The following NLRP4 variants were observed in gnomAD, a reference collection of about 807,000 sequenced individuals.
NLRP4 encodes the protein NLR family pyrin domain containing 4.
In NLRP4, 44 loss-of-function variants were observed where a neutral mutation model predicts 84.7. That is an observed-to-expected ratio of 0.52 (90% CI 0.41 to 0.67). The LOEUF (loss-of-function observed/expected upper bound fraction) is 0.67, where lower values mean the gene tolerates loss of function less well. Ranked by LOEUF, NLRP4 falls within the 30% of genes least tolerant of loss-of-function variation. NLRP4 has a pLI of 0.00. For missense variants in NLRP4, 1,260 were observed against 1,219.4 expected (o/e 1.03, Z -0.50); for synonymous variants, 544 against 476.4 (o/e 1.14, Z -1.85).
At chr19:55,850,108 A>AATTT (rs1984006802) in intron 1 of NLRP4, among the ~76,000 whole-genome samples, 1 of 21,732 alleles carries the variant, frequency 4.6e-5, no homozygotes, top group Non-Finnish European at 8.2e-5. Flanking sequence ...CGGTGTAATT[A>AATTT]CCGTAGCTGC....
intron 5 of NLRP4, among the ~76,000 whole-genome samples, chr19:55,867,207 G>C (rs1208893912): frequency 1.3e-5 from 2 of 149,912 alleles, no homozygotes; most frequent in African/African-American, 4.9e-5. Context: ...TATCAGGTTG[G>C]CTGTCTCTGT....
At position 55,858,713 on chromosome 19, in the gene NLRP4, G is replaced by A; in HGVS notation, c.1320G>A (p.Lys440=). Residue 440 remains lysine (K), a synonymous_variant, in exon 3 of 10, where the codon AAG becomes AAA. Transcript: ENST00000301295. The surrounding 1 kb of genome is among the most constrained non-coding windows in gnomAD (Gnocchi z 4.2). ...TGCTGGGCACCAAGATACTTCTGAA[G>A]TACGGGGAGCGTGAGAGCTCCTACG... ...PALLGTKILL[K]YGERESSYVF... The A allele has an allele frequency of 6.2e-7, 1 of 1,614,184 alleles. No individual in the cohort carries two copies. Among genetic ancestry groups the A allele is most frequent in the Middle Eastern group, 1.6e-4 (1 of 6,062 alleles).
intron 1 of NLRP4, among the ~76,000 whole-genome samples, chr19:55,839,028 G>A (rs384914): frequency 0.15 from 23,059 of 150,894 alleles, 1,964 homozygotes; most frequent in East Asian, 0.22. Context: ...TTACATAGGT[G>A]TACACGTGGC....
chr19:55,859,823 A>G (rs1352198141), intron 3 of NLRP4, among the ~76,000 whole-genome samples: 3 of 140,212 alleles, frequency 2.1e-5, no homozygotes, highest in East Asian at 5.0e-4. Context: ...GCTACTTGGG[A>G]GGCTGAGGCC....
At chr19:55,874,176 T>G (rs968311196) in intron 7 of NLRP4, among the ~76,000 whole-genome samples, 3 of 152,196 alleles carry the variant, frequency 2.0e-5, no homozygotes, top group Non-Finnish European at 4.4e-5. Context: ...ATATTAAAAG[T>G]GATGTAATAT....
intron 3 of NLRP4, among the ~76,000 whole-genome samples, chr19:55,860,715 G>A (rs1188441951): frequency 6.6e-6 from 1 of 152,178 alleles, no homozygotes; most frequent in Non-Finnish European, 1.5e-5. Context: ...GAGTTTTAGG[G>A]CTGAGCCTAG....
At position 55,857,686 on chromosome 19, in the gene NLRP4, C is replaced by T; in HGVS notation, c.293C>T (p.Thr98Ile). 1 of 1,612,894 alleles carries T rather than the reference C, an allele frequency of 6.2e-7. No individual in the cohort carries two copies. Among genetic ancestry groups the T allele is most frequent in the Non-Finnish European group, 8.5e-7 (1 of 1,179,834 alleles). Residue 98 changes from threonine (T) to isoleucine (I), a missense_variant, in exon 3 of 10, where the codon ACC becomes ATC. Thr to Ile is a moderately conservative substitution (Grantham distance 89). Around this residue, in one of 3 missense-constraint regions of NLRP4, gnomAD observed 712 missense variants for 669.2 expected, o/e 1.06. Coordinates refer to ENST00000301295, the MANE Select transcript of NLRP4 (RefSeq NM_134444.5). ...VMRERTGYTK[T>I]YQAHAKQKFS... ...CTCACTGACTCAGGATACACAAAGA[C>T]CTATCAAGCTCACGCAAAGCAGAAA...
chr19:55,856,924 A>C (rs1984457242), intron 2 of NLRP4, among the ~76,000 whole-genome samples: 1 of 152,192 alleles, frequency 6.6e-6, no homozygotes, highest in Admixed American at 6.5e-5. Flanking sequence ...TCTCTACTGC[A>C]TCTCCTCTCT....
intron 1 of NLRP4, among the ~76,000 whole-genome samples, chr19:55,839,320 T>TGTGTGTGTGTGTGTGC (rs1373920562): frequency 6.6e-6 from 1 of 152,050 alleles, no homozygotes; most frequent in African/African-American, 2.4e-5. Context: ...TGTGTGTGTG[T>TGTGTGTGTGTGTGTGC]GCTCTTTCAC....
intron 1 of NLRP4, among the ~76,000 whole-genome samples, chr19:55,848,837 C>A (rs6509964): frequency 0.17 from 25,228 of 151,958 alleles, 4,009 homozygotes; most frequent in African/African-American, 0.41. Context: ...GTGGGAGATA[C>A]TTGAATCATG....
intron 7 of NLRP4, among the ~76,000 whole-genome samples, chr19:55,876,589 C>T (rs1985380941): frequency 6.6e-6 from 1 of 152,056 alleles, no homozygotes; most frequent in Non-Finnish European, 1.5e-5. Flanking sequence ...TCTGGAACTT[C>T]TGACCTCAGG....
intron 1 of NLRP4, among the ~76,000 whole-genome samples, chr19:55,848,285 T>C (rs1368948941): frequency 6.6e-6 from 1 of 152,062 alleles, no homozygotes; most frequent in Non-Finnish European, 1.5e-5. Flanking sequence ...TGCTACCACT[T>C]GCTACCCATG....
chr19:55,880,661 G>C (rs374360196), intron 9 of NLRP4, among the ~76,000 whole-genome samples: 1 of 152,152 alleles, frequency 6.6e-6, no homozygotes, highest in African/African-American at 2.4e-5. Flanking sequence ...CACGCAAACA[G>C]ATGCCAAATG....
In NLRP4 at chr19:55,858,871, G is replaced by T; in HGVS notation, c.1478G>T (p.Arg493Ile). Residue 493 changes from arginine (R) to isoleucine (I), a missense_variant, in exon 3 of 10, where the codon AGA (arginine) becomes ATA (isoleucine). This residue lies in a region of NLRP4 where 712 missense variants were observed against 669.2 expected (regional missense o/e 1.06). Coordinates refer to ENST00000301295, the MANE Select transcript of NLRP4 (RefSeq NM_134444.5). This position sits in a 1 kb window ranked among gnomAD's most constrained non-coding sequence, Gnocchi z 4.2. ...LLVANFEKARRAHWIFLGCFL... is the reference protein window; with the variant it reads ...LLVANFEKARIAHWIFLGCFL... ...GTTGCCAATTTTGAAAAAGCAAGGA[G>T]AGCACATTGGATTTTTTTGGGGTGT... is the stretch of plus-strand genomic sequence containing the variant. 1.2e-6 allele frequency: 2 copies of T among 1,614,182 alleles called. No individual in the cohort carries two copies. The highest frequency in any genetic ancestry group is 1.7e-6 in the Non-Finnish European group (2 of 1,180,028).
chr19:55,865,106 G>A (rs1382229535), intron 5 of NLRP4, among the ~76,000 whole-genome samples: 1 of 151,516 alleles, frequency 6.6e-6, no homozygotes, highest in Non-Finnish European at 1.5e-5. Flanking sequence ...CATAGTACCT[G>A]ATAGGTAGAT....
chr19:55,838,428 G>T (rs373479058), intron 1 of NLRP4, among the ~76,000 whole-genome samples: 2 of 152,100 alleles, frequency 1.3e-5, no homozygotes, highest in East Asian at 3.9e-4. Flanking sequence ...CCAGTAAGAG[G>T]CAAGGAAGGG....
intron 7 of NLRP4, 57 bp from the exon 8 acceptor site, chr19:55,876,939 C>A: frequency 7.0e-7 from 1 of 1,431,434 alleles, no homozygotes; most frequent in Non-Finnish European, 9.6e-7. Flanking sequence ...GTCTCTTTTC[C>A]TGATATTAGA....
chr19:55,856,088 G>A (rs1247579553), intron 2 of NLRP4, among the ~76,000 whole-genome samples: 1 of 150,882 alleles, frequency 6.6e-6, no homozygotes, highest in Non-Finnish European at 1.5e-5. Flanking sequence ...CCACCTCCCA[G>A]GTTCAAGCGA....
chr19:55,867,821 G>C lies in NLRP4; in HGVS notation c.2299G>C (p.Val767Leu). Residue 767 changes from valine to leucine, a missense_variant, in exon 6 of 10, where the codon GTG becomes CTG. By Grantham distance (32) the Val-to-Leu change is conservative (BLOSUM62 1). This residue lies in a region of NLRP4 where 544 missense variants were observed against 531.7 expected (regional missense o/e 1.02). Transcript: ENST00000301295. ...NVSCNQLDTG[V>L]PLLCEALCSP... ...ATCCTGCAACCAGTTAGACACAGGC[G>C]TGCCCCTTTTGTGTGAAGCCCTGTG... 6.2e-7 allele frequency: 1 copy of C among 1,614,162 alleles called. No homozygotes were observed. The highest frequency in any genetic ancestry group is 8.5e-7 in the Non-Finnish European group (1 of 1,180,008).
Sources: allele counts gnomAD v4.1 joint callset (sites outside exome capture counted in the v4.1 genomes callset), GRCh38; gene constraint gnomAD v4.1.1; regional missense constraint gnomAD v4.1.1; non-coding constraint Gnocchi (gnomAD v3.1); transcripts MANE v1.5; gene names NCBI Gene and HGNC (gene_info 2026-07-23, HGNC 2026-07-21).